ZNF521: variants seen among roughly 807,000 people sequenced by gnomAD.
ZNF521 encodes LYST-interacting protein 3.
ZNF521 carries 14 observed loss-of-function variants against 105.5 expected under a neutral mutation model. The ratio of observed to expected loss-of-function variants is 0.13; its 90% CI spans 0.09 to 0.21. The LOEUF (loss-of-function observed/expected upper bound fraction) is 0.21, where lower values mean the gene tolerates loss of function less well. ZNF521 is among the 10% of genes least tolerant of loss of function. The pLI is 1.00. For synonymous variants in ZNF521, 635 were observed against 606.0 expected, an observed-to-expected ratio of 1.05 and a Z score of -0.70; for missense variants, 1,233 against 1,629.7, an observed-to-expected ratio of 0.76 and a Z score of 4.19.
intron 5 of ZNF521, among the ~76,000 whole-genome samples, chr18:25,156,609 G>T (rs979227007): frequency 1.3e-5 from 2 of 152,118 alleles, no homozygotes; most frequent in African/African-American, 4.8e-5. Flanking sequence ...CCAGGCAAGA[G>T]TATTTTCTTC....
intron 3 of ZNF521, among the ~76,000 whole-genome samples, chr18:25,262,696 C>T (rs1035950236): frequency 6.6e-6 from 1 of 152,116 alleles, no homozygotes; most frequent in African/African-American, 2.4e-5. Flanking sequence ...AATAAGACCA[C>T]AGTGTCAATA....
In ZNF521 at chr18:25,261,867, C is replaced by G. The variant is rs560237380; in HGVS notation, c.221-34170G>C. On this transcript the variant is annotated intron_variant, in intron 3 of 7. Transcript: ENST00000361524. ...AGTCTAACCGTAACTTATTACCCAC[C>G]CCCTGCTGTGCGGAAGGACTTGGGC... 2.6e-5 allele frequency among the ~76,000 whole-genome samples: 4 copies of G among 152,078 alleles called. No individual in the cohort carries two copies. In the South Asian group the frequency reaches 6.2e-4, roughly 24 times the overall value.
chr18:25,115,298 C>A (rs913846521), intron 5 of ZNF521, among the ~76,000 whole-genome samples: 2 of 152,168 alleles, frequency 1.3e-5, no homozygotes, highest in African/African-American at 2.4e-5. Context: ...CTAAATAATA[C>A]GATCATGGCA....
intron 5 of ZNF521, among the ~76,000 whole-genome samples, chr18:25,110,441 C>CAAAA (rs1555634920): frequency 5.8e-5 from 7 of 119,764 alleles, no homozygotes; most frequent in Non-Finnish European, 7.8e-5. Flanking sequence ...AGGCAGGAGA[C>CAAAA]CAAAAAAGAA....
At chr18:25,206,565 T>C (rs1032856023) in intron 4 of ZNF521, among the ~76,000 whole-genome samples, 1 of 152,210 alleles carries the variant, frequency 6.6e-6, no homozygotes, top group Admixed American at 6.5e-5. Flanking sequence ...GTTTGTCTTA[T>C]ACTAGATCAT....
chr18:25,324,254 C>T (rs1913086526), intron 2 of ZNF521, among the ~76,000 whole-genome samples: 1 of 152,046 alleles, frequency 6.6e-6, no homozygotes, highest in African/African-American at 2.4e-5. Context: ...AGTCCTTTAC[C>T]AGTATTTTTT....
At chr18:25,234,551 C>T (rs1178349048) in intron 3 of ZNF521, among the ~76,000 whole-genome samples, 3 of 151,972 alleles carry the variant, frequency 2.0e-5, no homozygotes, top group East Asian at 1.9e-4. Flanking sequence ...ATTTCCTTGT[C>T]TATAATATCA....
chr18:25,206,327 C>T (rs1432090973), intron 4 of ZNF521, among the ~76,000 whole-genome samples: 3 of 152,104 alleles, frequency 2.0e-5, no homozygotes, highest in African/African-American at 7.2e-5. Context: ...TTTGTATCTA[C>T]TGCAATACAT....
chr18:25,347,408 G>C (rs548169311), intron 2 of ZNF521, among the ~76,000 whole-genome samples: 1 of 152,302 alleles, frequency 6.6e-6, no homozygotes, highest in East Asian at 1.9e-4. Flanking sequence ...TGATGCTAGG[G>C]CTTTGAAAGG....
chr18:25,202,482 G>A (rs1443506205), intron 4 of ZNF521: 1 of 152,134 alleles, frequency 6.6e-6, no homozygotes, highest in Non-Finnish European at 1.5e-5. Flanking sequence ...TGGATACCAA[G>A]AGACGACTAA....
At chr18:25,178,755 C>T (rs908569197) in intron 5 of ZNF521, among the ~76,000 whole-genome samples, 2 of 152,068 alleles carry the variant, frequency 1.3e-5, no homozygotes, top group Non-Finnish European at 2.9e-5. Context: ...GGTTTTATTG[C>T]CTAGAAAATG....
intron 2 of ZNF521, among the ~76,000 whole-genome samples, chr18:25,339,405 C>A (rs902417313): frequency 6.6e-6 from 1 of 152,206 alleles, no homozygotes; most frequent in African/African-American, 2.4e-5. Flanking sequence ...CCTCCAGAAT[C>A]CTTCCCTGAC....
chr18:25,262,481 A>G (rs915982253), intron 3 of ZNF521, among the ~76,000 whole-genome samples: 1 of 152,178 alleles, frequency 6.6e-6, no homozygotes. Context: ...AAGATTAACT[A>G]TGTTGGTTAT....
intron 4 of ZNF521, among the ~76,000 whole-genome samples, chr18:25,212,952 G>A (rs1191714923): frequency 1.3e-5 from 2 of 151,308 alleles, no homozygotes; most frequent in African/African-American, 4.8e-5. Flanking sequence ...GATTCTTTGG[G>A]TGTCGTTTTA....
intron 4 of ZNF521, among the ~76,000 whole-genome samples, chr18:25,213,386 A>T (rs986196379): frequency 2.0e-5 from 3 of 151,452 alleles, no homozygotes; most frequent in Non-Finnish European, 4.4e-5. Flanking sequence ...CAGTTTTTCC[A>T]TTGACTTTTG....
intron 6 of ZNF521, 79 bp from the exon 7 acceptor site, chr18:25,089,659 C>CA: frequency 1.7e-6 from 2 of 1,164,864 alleles, no homozygotes; most frequent in Non-Finnish European, 2.6e-6. Context: ...CATGAACAGA[C>CA]AGCAGGCCGG....
At chr18:25,112,275 C>A (rs762596049) in intron 5 of ZNF521, among the ~76,000 whole-genome samples, 1 of 152,114 alleles carries the variant, frequency 6.6e-6, no homozygotes, top group African/African-American at 2.4e-5. Flanking sequence ...GCTAGGGGCC[C>A]GTGACAAAGG....
chr18:25,117,054 TACACACACACACACAC>T (rs71167848), intron 5 of ZNF521, among the ~76,000 whole-genome samples: 1 of 64,674 alleles, frequency 1.5e-5, no homozygotes, highest in African/African-American at 4.7e-5. Context: ...CACATATATA[TACACACACACACACAC>T]ACACACACAC....
chr18:25,096,252 C>T (rs1447543555), intron 5 of ZNF521, among the ~76,000 whole-genome samples: 1 of 152,176 alleles, frequency 6.6e-6, no homozygotes, highest in Admixed American at 6.5e-5. Flanking sequence ...ACCTCACTGA[C>T]TTAGTAGGAA....
Sources: allele counts gnomAD v4.1 joint callset (sites outside exome capture counted in the v4.1 genomes callset), GRCh38; gene constraint gnomAD v4.1.1; transcripts MANE v1.5; gene names NCBI Gene and HGNC (gene_info 2026-07-23, HGNC 2026-07-21).